GPBP1: variants seen among roughly 807,000 people sequenced by gnomAD.
The protein encoded by GPBP1 is GC-rich promoter binding protein 1.
A neutral mutation model predicts 56.5 loss-of-function variants in GPBP1; 13 were observed. The observed-to-expected ratio is 0.23, with a 90% confidence interval of 0.15 to 0.37. The LOEUF is 0.37. Ranked by LOEUF, GPBP1 falls within the 10% of genes least tolerant of loss-of-function variation. The probability of loss-of-function intolerance (pLI) is 1.00; values close to 1 mark genes in which losing one functional copy is unlikely to be tolerated. For missense variants in GPBP1, 477 were observed against 572.3 expected (o/e 0.83, Z 1.70); for synonymous variants, 204 against 188.9 (o/e 1.08, Z -0.66).
chr5:57,226,729 C>CTTTTTTTTTTTTTTTTT, intron 3 of GPBP1, among the ~76,000 whole-genome samples: 1 of 77,098 alleles, frequency 1.3e-5, no homozygotes, highest in Non-Finnish European at 2.5e-5. Context: ...TTTTTGTATT[C>CTTTTTTTTTTTTTTTTT]TTTTTTTTTT....
At chr5:57,174,532 TC>T (rs1458499565) in intron 1 of GPBP1, among the ~76,000 whole-genome samples, 3 of 152,196 alleles carry the variant, frequency 2.0e-5, no homozygotes, top group Non-Finnish European at 2.9e-5. Flanking sequence ...TGCTCGGCCT[TC>T]CTTCCCCCGG....
rs191416638 is a variant in GPBP1, at chr5:57,242,308, C to G, written c.479-3992C>G. 5.0e-3 allele frequency among the ~76,000 whole-genome samples: 754 copies of G among 152,172 alleles called. 8 individuals are homozygous for G. Among genetic ancestry groups the G allele is most frequent in the Non-Finnish European group, 5.7e-3 (391 of 68,016 alleles). ...GTGTATGGCTTTTCTGTATTGTTTT[C>G]TAATAATTATTTGAATATGAAACAT... On this transcript the variant is annotated intron_variant, in intron 6 of 11. Transcript: ENST00000506184.
intron 2 of GPBP1, among the ~76,000 whole-genome samples, chr5:57,188,276 C>T (rs1175465957): frequency 6.6e-6 from 1 of 151,414 alleles, no homozygotes; most frequent in Admixed American, 6.6e-5. Flanking sequence ...CACATGCATT[C>T]CACTCTTGGG....
chr5:57,201,311 A>C (rs192510921), intron 2 of GPBP1, among the ~76,000 whole-genome samples: 70 of 152,232 alleles, frequency 4.6e-4, no homozygotes, highest in African/African-American at 1.7e-3. Context: ...TTCCCAGTAC[A>C]GAAAGACTTT....
chr5:57,225,506 A>AC (rs1466492325), intron 3 of GPBP1, among the ~76,000 whole-genome samples: 98 of 140,122 alleles, frequency 7.0e-4, no homozygotes, highest in African/African-American at 2.1e-3. Flanking sequence ...AAAAAAAAAA[A>AC]AAAAACAAAC....
chr5:57,189,473 G>T (rs544080023), intron 2 of GPBP1, among the ~76,000 whole-genome samples: 16 of 152,308 alleles, frequency 1.1e-4, no homozygotes, highest in Admixed American at 8.5e-4. Flanking sequence ...GGACAGGCAG[G>T]TCTCGAACTC....
At chr5:57,195,418 A>G (rs1754701280) in intron 2 of GPBP1, among the ~76,000 whole-genome samples, 1 of 152,132 alleles carries the variant, frequency 6.6e-6, no homozygotes, top group East Asian at 1.9e-4. Context: ...TGACTTCCCA[A>G]AGTGTACCAC....
intron 2 of GPBP1, among the ~76,000 whole-genome samples, chr5:57,207,827 C>G (rs951591169): frequency 2.0e-5 from 3 of 152,092 alleles, no homozygotes; most frequent in Admixed American, 2.0e-4. Context: ...AACTTCATGC[C>G]CTTCTTTGGT....
At chr5:57,248,494 C>G (rs935643095) in intron 8 of GPBP1, among the ~76,000 whole-genome samples, 3 of 138,772 alleles carry the variant, frequency 2.2e-5, no homozygotes, top group African/African-American at 8.1e-5. Flanking sequence ...GTGGCGGGAT[C>G]TCGGCTCACT....
intron 2 of GPBP1, among the ~76,000 whole-genome samples, chr5:57,182,031 T>C (rs1200084401): frequency 6.6e-6 from 1 of 152,210 alleles, no homozygotes; most frequent in African/African-American, 2.4e-5. Context: ...GTTATTATTT[T>C]GTTCACAGCT....
chr5:57,246,374 C>T lies in GPBP1; in HGVS notation c.553C>T (p.Leu185=), dbSNP rs759594908. 6.8e-6 allele frequency: 11 copies of T among 1,613,284 alleles called. No individual in the cohort carries two copies. In the East Asian group the frequency reaches 2.5e-4, roughly 36 times the overall value. ...GAAAGGTAATACAAAAGACTTACAG[C>T]TATCTGGATTCCCAGTAGTAGGAAA... The part of the protein sequence containing the change: ...IKKGNTKDLQ[L]SGFPVVGNLP... The change falls in exon 7 of 12, where the codon CTA becomes TTA. Residue 185 remains leucine, a synonymous_variant. Transcript: ENST00000506184.
intron 10 of GPBP1, among the ~76,000 whole-genome samples, chr5:57,255,931 A>T (rs566702485): frequency 6.6e-6 from 1 of 152,226 alleles, no homozygotes; most frequent in South Asian, 2.1e-4. Flanking sequence ...GAAAATGGAG[A>T]GGATGAGATT....
intron 11 of GPBP1, among the ~76,000 whole-genome samples, chr5:57,261,684 C>T (rs1221652339): frequency 6.6e-6 from 1 of 151,954 alleles, no homozygotes; most frequent in East Asian, 1.9e-4. Flanking sequence ...TTTGGCTTTT[C>T]TGGGGGAGGA....
At chr5:57,193,643 A>G (rs62355722) in intron 2 of GPBP1, among the ~76,000 whole-genome samples, 3,119 of 150,786 alleles carry the variant, frequency 0.021, 59 homozygotes, top group Middle Eastern at 0.045. Flanking sequence ...AAAACTATGA[A>G]AAGTATTCTG....
chr5:57,190,636 A>G (rs1464310360), intron 2 of GPBP1, among the ~76,000 whole-genome samples: 1 of 147,918 alleles, frequency 6.8e-6, no homozygotes, highest in African/African-American at 2.5e-5. Context: ...AATTAAATAA[A>G]TTGTTATATG....
At chr5:57,261,595 ATAGT>A (rs915604581) in intron 11 of GPBP1, among the ~76,000 whole-genome samples, 6 of 152,170 alleles carry the variant, frequency 3.9e-5, no homozygotes, top group African/African-American at 1.4e-4. Flanking sequence ...TGGGTGTGCA[ATAGT>A]TAGGAATTAG....
chr5:57,249,458 C>G lies in GPBP1; in HGVS notation c.854C>G (p.Pro285Arg), dbSNP rs1236869152. 6.2e-7 allele frequency: 1 copy of G among 1,609,880 alleles called. No homozygotes were observed. Among genetic ancestry groups the G allele is most frequent in the Non-Finnish European group, 8.5e-7 (1 of 1,178,432 alleles). ...CCTGTTGACAAACTTAATCAGCAGCCTCGTCTAACCAAACTGACACGAATG... is the reference window on the plus strand; with the variant it reads ...CCTGTTGACAAACTTAATCAGCAGCGTCGTCTAACCAAACTGACACGAATG... ...SSPVDKLNQQ[P>R]RLTKLTRMRT... Residue 285 changes from proline to arginine, a missense_variant, in exon 9 of 12, where the codon CCT becomes CGT. Physicochemically the swap from Pro to Arg is moderately radical, Grantham distance 103 (BLOSUM62 -2). Coordinates refer to ENST00000506184, the MANE Select transcript of GPBP1 (RefSeq NM_022913.4).
At chr5:57,254,618 C>G (rs1344295) in intron 10 of GPBP1, among the ~76,000 whole-genome samples, 1 of 150,746 alleles carries the variant, frequency 6.6e-6, no homozygotes, top group African/African-American at 2.4e-5. Context: ...TCACTTGAAT[C>G]TGGGAGGCAG....
In GPBP1 at chr5:57,256,879, C is replaced by T. The variant is rs12654738; in HGVS notation, c.1161-4301C>T. The stretch of plus-strand genomic sequence containing the variant: ...ACTCTTAAGCTAAGAGAGTTAATGG[C>T]TTTTAGATTTTAGGGGTTTTTTTCC... On this transcript the variant is annotated intron_variant, in intron 10 of 11. Coordinates refer to ENST00000506184, the MANE Select transcript of GPBP1 (RefSeq NM_022913.4). Among the ~76,000 whole-genome samples, 92 of 152,116 alleles carry T rather than the reference C, an allele frequency of 6.0e-4. 1 individual carries two copies. The East Asian group carries it at 0.018, about 29-fold the overall frequency.
Sources: gnomAD v4.1 joint callset for allele counts (sites outside exome capture counted in the v4.1 genomes callset) on GRCh38, gnomAD v4.1.1 for gene constraint, MANE v1.5 for transcripts, NCBI Gene and HGNC (gene_info 2026-07-23, HGNC 2026-07-21) for gene names.